DCAF6: variants seen among roughly 807,000 people sequenced by gnomAD.
DCAF6 encodes the protein DDB1- and CUL4-associated factor 6.
A neutral mutation model predicts 125.1 loss-of-function variants in DCAF6; 54 were observed. The observed-to-expected ratio is 0.43, with a 90% confidence interval of 0.35 to 0.54. The LOEUF (loss-of-function observed/expected upper bound fraction) is 0.54. Among genes scored for constraint, DCAF6 ranks in the 20% least tolerant of loss-of-function variants. The probability of loss-of-function intolerance (pLI) is 0.01; values close to 1 mark genes in which losing one functional copy is unlikely to be tolerated. For missense variants in DCAF6, 934 were observed against 1,161.7 expected, an observed-to-expected ratio of 0.80 and a Z score of 2.85; for synonymous variants, 371 against 390.4, an observed-to-expected ratio of 0.95 and a Z score of 0.58.
At chr1:167,946,513 A>G (rs1673111917) in intron 1 of DCAF6, among the ~76,000 whole-genome samples, 1 of 152,268 alleles carries the variant, frequency 6.6e-6, no homozygotes, top group African/African-American at 2.4e-5. Flanking sequence ...GGTTTATCAT[A>G]TATGGCCTTT....
intron 10 of DCAF6, among the ~76,000 whole-genome samples, chr1:168,014,971 C>T (rs1327651417): frequency 2.0e-5 from 3 of 152,150 alleles, no homozygotes; most frequent in Non-Finnish European, 4.4e-5. Flanking sequence ...CAGTTATCCC[C>T]ACGTGACACA....
chr1:167,872,893 A>C, the DCAF6 span, among the ~76,000 whole-genome samples: 2 of 151,424 alleles, frequency 1.3e-5, no homozygotes, highest in Non-Finnish European at 2.9e-5. Context: ...AATATGGTGA[A>C]ACCCCGTCTC....
chr1:167,949,215 G>T (rs1673550184), intron 1 of DCAF6, among the ~76,000 whole-genome samples: 1 of 152,140 alleles, frequency 6.6e-6, no homozygotes, highest in South Asian at 2.1e-4. Flanking sequence ...AAGCCACAAT[G>T]GTAAGTTCAT....
chr1:168,019,635 A>G (rs925319159), intron 11 of DCAF6: 1 of 360,660 alleles, frequency 2.8e-6, no homozygotes, highest in African/African-American at 2.1e-5. Flanking sequence ...ACAGAGCCCC[A>G]CTGGAGCATG....
At chr1:167,864,045 C>T in the DCAF6 span, among the ~76,000 whole-genome samples, 4 of 152,210 alleles carry the variant, frequency 2.6e-5, no homozygotes, top group Non-Finnish European at 4.4e-5. Flanking sequence ...GTGCCTGTTC[C>T]GGCACTTTGG....
chr1:168,004,025 T>G (rs1332979960), intron 9 of DCAF6, 36 bp downstream of exon 9: 12 of 1,597,546 alleles, frequency 7.5e-6, no homozygotes, highest in Non-Finnish European at 1.0e-5. Context: ...ATCAGAAAGC[T>G]GGCAAAAACT....
chr1:168,025,081 A>T (rs537577093), intron 12 of DCAF6, among the ~76,000 whole-genome samples: 31 of 152,196 alleles, frequency 2.0e-4, no homozygotes, highest in Non-Finnish European at 7.4e-5. Flanking sequence ...TAACTACTCT[A>T]TAATTAAAGG....
chr1:168,065,160 A>G (rs568698672), intron 18 of DCAF6, among the ~76,000 whole-genome samples: 68 of 152,326 alleles, frequency 4.5e-4, no homozygotes, highest in African/African-American at 1.5e-3. Context: ...TTAAGCACCT[A>G]TTGTATCCCA....
chr1:167,974,562 ATAAAC>A (rs1265546053), intron 3 of DCAF6, among the ~76,000 whole-genome samples: 1 of 152,212 alleles, frequency 6.6e-6, no homozygotes, highest in African/African-American at 2.4e-5. Flanking sequence ...AGTGAGTCAG[ATAAAC>A]TAAATAAATG....
chr1:168,062,861 T>C (rs529853209), intron 17 of DCAF6, among the ~76,000 whole-genome samples: 27 of 151,818 alleles, frequency 1.8e-4, no homozygotes, highest in African/African-American at 6.0e-4. Context: ...ATGGAGTCCA[T>C]AAAGAAGATG....
At chr1:167,891,960 C>A in the DCAF6 span, among the ~76,000 whole-genome samples, 1 of 150,706 alleles carries the variant, frequency 6.6e-6, no homozygotes, top group East Asian at 1.9e-4. Context: ...AACCAATGTG[C>A]TAATTTTTTT....
At chr1:167,919,668 T>C in the DCAF6 span, among the ~76,000 whole-genome samples, 1 of 152,116 alleles carries the variant, frequency 6.6e-6, no homozygotes, top group Non-Finnish European at 1.5e-5. Flanking sequence ...ATAAAAGAGA[T>C]TATGTGAGAT....
chr1:167,942,512 G>C (rs1404362005), intron 1 of DCAF6, among the ~76,000 whole-genome samples: 1 of 152,142 alleles, frequency 6.6e-6, no homozygotes, highest in Non-Finnish European at 1.5e-5. Context: ...TCCTTAATCA[G>C]ATATGTACTT....
At chr1:167,928,076 C>G in the DCAF6 span, among the ~76,000 whole-genome samples, 2 of 152,192 alleles carry the variant, frequency 1.3e-5, no homozygotes, top group South Asian at 4.1e-4. Context: ...CGGCCGGGCG[C>G]GGTGGCTCAT....
At chr1:167,968,604 C>G (rs1216169042) in intron 3 of DCAF6, 1 of 152,302 alleles carries the variant, frequency 6.6e-6, no homozygotes, top group Non-Finnish European at 1.5e-5. Flanking sequence ...TTGAACTGTT[C>G]ATTTAGTAGG....
chr1:168,009,309 T>TTTCTC (rs548857693), intron 10 of DCAF6, among the ~76,000 whole-genome samples: 5 of 152,074 alleles, frequency 3.3e-5, no homozygotes, highest in East Asian at 3.9e-4. Flanking sequence ...TTTTCTTTTC[T>TTTCTC]TTCTCTTCTC....
chr1:168,045,119 C>G lies in DCAF6; in HGVS notation c.2150C>G (p.Ala717Gly), dbSNP rs776499401. Residue 717 changes from alanine (A) to glycine (G), a missense_variant, in exon 16 of 22, where the codon GCT becomes GGT. Physicochemically the swap from Ala to Gly is moderately conservative, Grantham distance 60. Around this residue, in one of 5 missense-constraint regions of DCAF6, gnomAD observed 559 missense variants for 635.5 expected, o/e 0.88. Coordinates refer to ENST00000367840, the MANE Select transcript of DCAF6 (RefSeq NM_001198956.2). ...CAAACAGAAGCCACTGGGCCTTCAG[C>G]TCATGAAGAAACATCCACCAGGGAC... The part of the protein sequence containing the change: ...QFQTEATGPS[A>G]HEETSTRDSA... The G allele has an allele frequency of 6.2e-7, 1 of 1,614,028 alleles. No homozygotes were observed. Among genetic ancestry groups the G allele is most frequent in the Non-Finnish European group, 8.5e-7 (1 of 1,179,946 alleles).
the DCAF6 span, among the ~76,000 whole-genome samples, chr1:167,869,701 C>T: frequency 2.6e-5 from 4 of 152,194 alleles, no homozygotes; most frequent in East Asian, 5.8e-4. Flanking sequence ...GCCCCTGTCA[C>T]GTACCCCCTG....
chr1:167,933,618 A>C (rs1670975723), upstream of DCAF6, among the ~76,000 whole-genome samples: 1 of 152,254 alleles, frequency 6.6e-6, no homozygotes, highest in Admixed American at 6.5e-5. Context: ...ATCTAGAAAA[A>C]TGTTTCAATG....
Sources: allele counts gnomAD v4.1 joint callset (sites outside exome capture counted in the v4.1 genomes callset), GRCh38; gene constraint gnomAD v4.1.1; regional missense constraint gnomAD v4.1.1; transcripts MANE v1.5; gene names NCBI Gene and HGNC (gene_info 2026-07-23, HGNC 2026-07-21).